CLASP1: variants seen among roughly 807,000 people sequenced by gnomAD.
CLASP1 encodes CLIP-associating protein 1.
CLASP1 carries 38 observed loss-of-function variants against 192.3 expected under a neutral mutation model. That is an observed-to-expected ratio of 0.20 (90% CI 0.15 to 0.26). The LOEUF (loss-of-function observed/expected upper bound fraction) is 0.26, where lower values mean the gene tolerates loss of function less well. CLASP1 is among the 10% of genes least tolerant of loss of function. CLASP1 has a pLI of 1.00. For synonymous variants in CLASP1, 691 were observed against 712.8 expected, an observed-to-expected ratio of 0.97 and a Z score of 0.49; for missense variants, 1,433 against 1,932.5, an observed-to-expected ratio of 0.74 and a Z score of 4.85.
chr2:121,563,331 T>C (rs2105327868), intron 2 of CLASP1, among the ~76,000 whole-genome samples: 1 of 152,264 alleles, frequency 6.6e-6, no homozygotes, highest in South Asian at 2.1e-4. Context: ...AAAAAGGAGA[T>C]GTATAAAGCA....
chr2:121,463,091 T>G (rs973530127), intron 9 of CLASP1, among the ~76,000 whole-genome samples: 1 of 152,220 alleles, frequency 6.6e-6, no homozygotes, highest in African/African-American at 2.4e-5. Flanking sequence ...GAACTCATGA[T>G]AACTGTCATT....
intron 2 of CLASP1, among the ~76,000 whole-genome samples, chr2:121,538,559 G>A (rs1329955180): frequency 3.3e-5 from 5 of 151,790 alleles, no homozygotes; most frequent in East Asian, 1.9e-4. Context: ...AGGCCATGAC[G>A]GGCAGATCAC....
At chr2:121,501,367 GA>G (rs1349619343) in intron 8 of CLASP1, among the ~76,000 whole-genome samples, 1 of 152,130 alleles carries the variant, frequency 6.6e-6, no homozygotes, top group Non-Finnish European at 1.5e-5. Context: ...CACTCATCAC[GA>G]GTGCACCACT....
chr2:121,361,667 C>A (rs1366966971), intron 37 of CLASP1, among the ~76,000 whole-genome samples: 1 of 152,106 alleles, frequency 6.6e-6, no homozygotes, highest in East Asian at 1.9e-4. Flanking sequence ...ATTCTTCCAA[C>A]GCAGCCCAGG....
intron 2 of CLASP1, among the ~76,000 whole-genome samples, chr2:121,568,149 T>C (rs2059670934): frequency 1.3e-5 from 2 of 152,198 alleles, no homozygotes; most frequent in African/African-American, 2.4e-5. Context: ...AGATGTGTAC[T>C]GTGCTCTCAG....
At chr2:121,625,347 T>C (rs1310024016) in intron 1 of CLASP1, among the ~76,000 whole-genome samples, 1 of 151,922 alleles carries the variant, frequency 6.6e-6, no homozygotes, top group African/African-American at 2.4e-5. Flanking sequence ...ACATGAAGAG[T>C]TGGTTTCTAA....
At chr2:121,449,943 A>G (rs1055765373) in intron 16 of CLASP1, among the ~76,000 whole-genome samples, 22 of 152,190 alleles carry the variant, frequency 1.4e-4, no homozygotes, top group Admixed American at 7.2e-4. Flanking sequence ...TTCAAAAAAA[A>G]TCACAGATGC....
intron 10 of CLASP1, among the ~76,000 whole-genome samples, chr2:121,462,227 A>T (rs1360064630): frequency 6.6e-6 from 1 of 151,750 alleles, no homozygotes; most frequent in Non-Finnish European, 1.5e-5. Flanking sequence ...AAAAAAAAAA[A>T]TCCCTAAATA....
At position 121,641,119 on chromosome 2, in the gene CLASP1, C is replaced by T. The variant is rs1007727398; in HGVS notation, c.-286+8253G>A. ...AAAGACTGGCTTATTGTTCCAAGAA[C>T]GAACCCAGCTACTCTTCATTTAGGA... On this transcript the variant is annotated intron_variant, in intron 1 of 39. Transcript: ENST00000263710. 3.9e-5 allele frequency among the ~76,000 whole-genome samples: 6 copies of T among 152,194 alleles called. No homozygotes were observed. The East Asian group carries it at 5.8e-4, about 15-fold the overall frequency.
At chr2:121,346,954 G>T in intron 39 of CLASP1, 84 bp downstream of exon 40, 1 of 802,588 alleles carries the variant, frequency 1.2e-6, no homozygotes, top group Non-Finnish European at 2.0e-6. Context: ...AACCTGTCTG[G>T]AATCCAGAGC....
At chr2:121,441,730 A>C (rs751277061) in intron 19 of CLASP1, among the ~76,000 whole-genome samples, 19 of 151,982 alleles carry the variant, frequency 1.3e-4, no homozygotes, top group Non-Finnish European at 2.2e-4. Flanking sequence ...TGGGTAACAA[A>C]TGAGACCCTG....
At chr2:121,371,181 A>T (rs539325251) in intron 34 of CLASP1, among the ~76,000 whole-genome samples, 1 of 151,830 alleles carries the variant, frequency 6.6e-6, no homozygotes, top group East Asian at 1.9e-4. Context: ...TCTAAGTATC[A>T]TTTTTTGGGC....
chr2:121,592,710 G>A (rs2062559844), intron 2 of CLASP1, among the ~76,000 whole-genome samples: 1 of 152,050 alleles, frequency 6.6e-6, no homozygotes, highest in African/African-American at 2.4e-5. Context: ...GTAGTGCAGT[G>A]GCATGATCTC....
chr2:121,620,550 A>C (rs2067168124), intron 1 of CLASP1, among the ~76,000 whole-genome samples: 2 of 151,994 alleles, frequency 1.3e-5, no homozygotes, highest in African/African-American at 4.8e-5. Flanking sequence ...GGGTTTCACC[A>C]TATTGGCCAG....
At chr2:121,396,869 T>C (rs1392671857) in intron 30 of CLASP1, among the ~76,000 whole-genome samples, 1 of 152,164 alleles carries the variant, frequency 6.6e-6, no homozygotes, top group Non-Finnish European at 1.5e-5. Flanking sequence ...AAAACAAACA[T>C]CTGTGTAAAA....
At chr2:121,632,038 C>A (rs534599495) in intron 1 of CLASP1, among the ~76,000 whole-genome samples, 3 of 151,994 alleles carry the variant, frequency 2.0e-5, no homozygotes, top group South Asian at 4.2e-4. Flanking sequence ...CAGAGCAAGA[C>A]CCCATCTCAA....
intron 7 of CLASP1, among the ~76,000 whole-genome samples, chr2:121,513,563 G>A (rs2094202289): frequency 6.6e-6 from 1 of 152,170 alleles, no homozygotes; most frequent in Non-Finnish European, 1.5e-5. Flanking sequence ...CTGTGTTGGG[G>A]ATCTCCAGGA....
intron 16 of CLASP1, among the ~76,000 whole-genome samples, 164 bp from the exon 17 acceptor site, chr2:121,449,284 T>C (rs1405470464): frequency 6.6e-6 from 1 of 152,238 alleles, no homozygotes; most frequent in Non-Finnish European, 1.5e-5. Flanking sequence ...GTACGAATCC[T>C]GGCCTCACAA....
intron 6 of CLASP1, among the ~76,000 whole-genome samples, chr2:121,525,017 A>G (rs2094542860): frequency 6.6e-6 from 1 of 152,004 alleles, no homozygotes; most frequent in Non-Finnish European, 1.5e-5. Flanking sequence ...GCCTGATACA[A>G]CCTCCTGGGA....
Sources: gnomAD v4.1 joint callset for allele counts (sites outside exome capture counted in the v4.1 genomes callset) on GRCh38, gnomAD v4.1.1 for gene constraint, MANE v1.5 for transcripts, NCBI Gene and HGNC (gene_info 2026-07-23, HGNC 2026-07-21) for gene names.